PTPRG: variants seen among roughly 807,000 people sequenced by gnomAD.
PTPRG encodes receptor-type tyrosine-protein phosphatase gamma.
PTPRG carries 102 observed loss-of-function variants against 165.3 expected under a neutral mutation model. That is an observed-to-expected ratio of 0.62 (90% CI 0.53 to 0.73). The LOEUF (loss-of-function observed/expected upper bound fraction) is 0.73, where lower values mean the gene tolerates loss of function less well. Ranked by LOEUF, PTPRG falls within the 30% of genes least tolerant of loss-of-function variation. PTPRG has a pLI of 0.00. For missense variants in PTPRG, 1,866 were observed against 1,861.4 expected (o/e 1.00, Z -0.05); for synonymous variants, 675 against 669.5 (o/e 1.01, Z -0.13).
intron 2 of PTPRG, among the ~76,000 whole-genome samples, chr3:61,786,902 G>A (rs1184326707): frequency 6.6e-6 from 1 of 152,138 alleles, no homozygotes; most frequent in African/African-American, 2.4e-5. Flanking sequence ...GAAAATAGAT[G>A]TCTTTTGAAT....
chr3:62,271,504 G>A lies in PTPRG; in HGVS notation c.3131G>A (p.Arg1044Lys). ...CTTCCAGTACTGACTTTCGTGAGGA[G>A]ATCCTCAGCAGCTCGGATGCCAGAA... is the stretch of plus-strand genomic sequence containing the variant. ...YALPVLTFVR[R>K]SSAARMPETG... Residue 1044 changes from arginine to lysine, a missense_variant, in exon 21 of 30, where the codon AGA becomes AAA. Physicochemically the swap from Arg to Lys is conservative, Grantham distance 26 (BLOSUM62 2). Around this residue, in one of 3 missense-constraint regions of PTPRG, gnomAD observed 1,452 missense variants for 1,463.0 expected, o/e 0.99. Coordinates refer to ENST00000474889, the MANE Select transcript of PTPRG (RefSeq NM_002841.4). This position sits in a 1 kb window ranked among gnomAD's most constrained non-coding sequence, Gnocchi z 4.1. 1 of 1,613,954 alleles carries A rather than the reference G, an allele frequency of 6.2e-7. No individual in the cohort carries two copies. The highest frequency in any genetic ancestry group is 1.1e-5 in the South Asian group (1 of 91,070).
At chr3:62,241,430 C>T (rs1042166526) in intron 14 of PTPRG, among the ~76,000 whole-genome samples, 1 of 152,200 alleles carries the variant, frequency 6.6e-6, no homozygotes, top group Admixed American at 6.5e-5. Flanking sequence ...CTTTGTCCCC[C>T]AGGTTTCTGA....
At chr3:61,772,500 T>A (rs1245822258) in intron 2 of PTPRG, among the ~76,000 whole-genome samples, 1 of 152,178 alleles carries the variant, frequency 6.6e-6, no homozygotes, top group Non-Finnish European at 1.5e-5. Context: ...GAAAAATGAA[T>A]AATGTAACCT....
At chr3:62,108,446 G>C (rs1265682689) in intron 5 of PTPRG, among the ~76,000 whole-genome samples, 1 of 152,154 alleles carries the variant, frequency 6.6e-6, no homozygotes, top group Non-Finnish European at 1.5e-5. Context: ...TTCTATCATT[G>C]ATGGACATTT....
chr3:62,111,488 C>T (rs1372629270), intron 5 of PTPRG, among the ~76,000 whole-genome samples: 1 of 152,234 alleles, frequency 6.6e-6, no homozygotes, highest in East Asian at 1.9e-4. Context: ...CTTTCTCTGT[C>T]ACCCAGGCTG....
intron 4 of PTPRG, among the ~76,000 whole-genome samples, chr3:62,019,948 T>C (rs1303389387): frequency 6.6e-6 from 1 of 152,152 alleles, no homozygotes; most frequent in Non-Finnish European, 1.5e-5. Context: ...CAGATAAAAC[T>C]GAAGGAAGAG....
chr3:62,160,172 T>C (rs747420121), intron 7 of PTPRG, among the ~76,000 whole-genome samples: 7 of 152,228 alleles, frequency 4.6e-5, no homozygotes, highest in Admixed American at 3.3e-4. Flanking sequence ...AATGAAAATT[T>C]GAGCATATTC....
chr3:61,620,449 A>G (rs1701418561), intron 1 of PTPRG, among the ~76,000 whole-genome samples: 1 of 152,156 alleles, frequency 6.6e-6, no homozygotes, highest in Non-Finnish European at 1.5e-5. Context: ...AGGTGGCCTC[A>G]CAGATTTGTA....
chr3:62,156,942 T>C lies in PTPRG; in HGVS notation c.683-125T>C, dbSNP rs1276922003. 4.6e-6 allele frequency: 4 copies of C among 872,076 alleles called. No homozygotes were observed. In the Admixed American group the frequency reaches 8.6e-5, roughly 19 times the overall value. The allele number at this position is 872,076 out of a possible 1,614,324, so 54.0% of individuals were successfully genotyped here. ...TCCCACCACCAAATGCTAGTGCTTC[T>C]CAGGATATAAACAAACATAAGGCTT... On this transcript the variant is annotated intron_variant, in intron 6 of 29. Coordinates refer to ENST00000474889, the MANE Select transcript of PTPRG (RefSeq NM_002841.4).
chr3:62,217,634 ATT>A lies in PTPRG; in HGVS notation c.2156-1211_2156-1210del, dbSNP rs1700544121. 1 of 152,178 alleles carries A rather than the reference ATT, an allele frequency of 6.6e-6. No homozygotes were observed. The highest frequency in any genetic ancestry group is 6.5e-5 in the Admixed American group (1 of 15,272). The allele number at this position is 152,178 out of a possible 1,614,324, so 9.4% of individuals were successfully genotyped here. On this transcript the variant is annotated intron_variant, in intron 12 of 29. Transcript: ENST00000474889. This position sits in a 1 kb window ranked among gnomAD's most constrained non-coding sequence, Gnocchi z 4.3. ...CAAGTCAGCCTGCAGCCAATGTTAGATTTTTTTAAGGGGCTTCTCCCTGTGAT... is the reference window on the plus strand; with the variant it reads ...CAAGTCAGCCTGCAGCCAATGTTAGATTTTTAAGGGGCTTCTCCCTGTGAT...
rs113939658 is a variant in PTPRG, at chr3:62,071,844, G to A, written c.520-6319G>A. Among the ~76,000 whole-genome samples the A allele has an allele frequency of 8.7e-3, 1,320 of 152,170 alleles. 12 individuals are homozygous for A. Among genetic ancestry groups the A allele is most frequent in the Non-Finnish European group, 0.014 (977 of 68,008 alleles). On this transcript the variant is annotated intron_variant, in intron 4 of 29. Transcript: ENST00000474889. ...TTTCCTTGCCTATAAAATGAGAATC[G>A]TACGGATACCTATCTCACTGAGTGC...
intron 2 of PTPRG, among the ~76,000 whole-genome samples, chr3:61,866,132 TGC>T: frequency 6.6e-6 from 1 of 152,212 alleles, no homozygotes; most frequent in Non-Finnish European, 1.5e-5. Flanking sequence ...GGATAAGTCA[TGC>T]AGCACCGGTC....
chr3:61,878,795 T>G (rs1420503529), intron 2 of PTPRG, among the ~76,000 whole-genome samples: 1 of 152,214 alleles, frequency 6.6e-6, no homozygotes, highest in East Asian at 1.9e-4. Context: ...TAAGCCACTG[T>G]GCCTGGCCCC....
chr3:61,902,848 C>G (rs762018391), intron 2 of PTPRG, among the ~76,000 whole-genome samples: 2 of 152,042 alleles, frequency 1.3e-5, no homozygotes, highest in East Asian at 1.9e-4. Context: ...GTACATAGAT[C>G]CTAGCTCTGT....
intron 2 of PTPRG, among the ~76,000 whole-genome samples, chr3:61,792,560 T>C (rs1236728663): frequency 6.6e-6 from 1 of 152,202 alleles, no homozygotes; most frequent in East Asian, 1.9e-4. Context: ...TTCTCAGTTC[T>C]TGGCCCATTC....
In PTPRG at chr3:62,271,022, A is replaced by T. The variant is rs904938363; in HGVS notation, c.3010-361A>T. Among the ~76,000 whole-genome samples the T allele has an allele frequency of 6.6e-6, 1 of 152,192 alleles. No homozygotes were observed. The highest frequency in any genetic ancestry group is 1.5e-5 in the Non-Finnish European group (1 of 68,030). ...GGAATGGGAATCACAGCCCACAGAG[A>T]CATGAAAGCAAAGTACTAAGATCTG... On this transcript the variant is annotated intron_variant, in intron 20 of 29. Transcript: ENST00000474889. This position sits in a 1 kb window ranked among gnomAD's most constrained non-coding sequence, Gnocchi z 4.1.
At position 61,874,515 on chromosome 3, in the gene PTPRG, CT is replaced by C. The variant is rs79328175; in HGVS notation, c.191-115100del. Among the ~76,000 whole-genome samples the C allele has an allele frequency of 9.6e-4, 143 of 149,320 alleles. 1 individual carries two copies. The East Asian group carries it at 0.011, about 11-fold the overall frequency. On this transcript the variant is annotated intron_variant, in intron 2 of 29. Coordinates refer to ENST00000474889, the MANE Select transcript of PTPRG (RefSeq NM_002841.4). ...ACCCACCATTCCTTTTTCTTTCTTC[CT>C]TTTTTTTTTCTACACATAAACACAG...
At chr3:62,265,926 C>CACACACACACA (rs879614619) in intron 17 of PTPRG, among the ~76,000 whole-genome samples, 7 of 150,234 alleles carry the variant, frequency 4.7e-5, no homozygotes, top group African/African-American at 7.3e-5. Flanking sequence ...CACACACACA[C>CACACACACACA]CATTCTCTCC....
At chr3:62,188,322 C>A (rs1433535163) in intron 8 of PTPRG, among the ~76,000 whole-genome samples, 1 of 152,172 alleles carries the variant, frequency 6.6e-6, no homozygotes, top group African/African-American at 2.4e-5. Flanking sequence ...CTGCAGTGAG[C>A]CATGATCCAG....
Sources: allele counts gnomAD v4.1 joint callset (sites outside exome capture counted in the v4.1 genomes callset), GRCh38; gene constraint gnomAD v4.1.1; regional missense constraint gnomAD v4.1.1; non-coding constraint Gnocchi (gnomAD v3.1); transcripts MANE v1.5; gene names NCBI Gene and HGNC (gene_info 2026-07-23, HGNC 2026-07-21).